Variants in CLDN16 observed in about 807,000 individuals in gnomAD.
The protein encoded by CLDN16 is claudin-16.
CLDN16 carries 13 observed loss-of-function variants against 24.6 expected under a neutral mutation model. That is an observed-to-expected ratio of 0.53 (90% CI 0.34 to 0.84). CLDN16 has a LOEUF of 0.84. CLDN16 is among the 40% of genes least tolerant of loss of function. The pLI, the probability that CLDN16 is intolerant of heterozygous loss-of-function variation, is 0.01. For missense variants in CLDN16, 298 were observed against 292.7 expected (o/e 1.02, Z -0.13); for synonymous variants, 116 against 106.7 (o/e 1.09, Z -0.54).
the CLDN16 span, among the ~76,000 whole-genome samples, chr3:190,316,876 C>T: frequency 9.2e-5 from 14 of 152,152 alleles, no homozygotes; most frequent in Non-Finnish European, 1.9e-4. Context: ...GCCTGGTATG[C>T]TAAAATCTTG....
At chr3:190,361,533 G>T (rs1285992359) in intron 1 of CLDN16, among the ~76,000 whole-genome samples, 1 of 151,944 alleles carries the variant, frequency 6.6e-6, no homozygotes, top group Non-Finnish European at 1.5e-5. Context: ...TAACAAATTA[G>T]CTACAAGATT....
the CLDN16 span, among the ~76,000 whole-genome samples, chr3:190,298,489 C>A: frequency 6.9e-6 from 1 of 144,626 alleles, no homozygotes; most frequent in South Asian, 2.3e-4. Context: ...GAGTTTTGCT[C>A]TTGTTGCCCA....
At chr3:190,360,538 A>G (rs1478865261) in intron 1 of CLDN16, among the ~76,000 whole-genome samples, 1 of 151,980 alleles carries the variant, frequency 6.6e-6, no homozygotes, top group Non-Finnish European at 1.5e-5. Flanking sequence ...TGTGATAAGA[A>G]CAAAATGTAG....
the CLDN16 span, chr3:190,308,496 T>C: frequency 1.3e-6 from 2 of 1,535,742 alleles, no homozygotes; most frequent in South Asian, 1.1e-5. Context: ...ACTTTTCTAA[T>C]ATAATAAAAG....
chr3:190,387,372 CT>C (rs968607847), upstream of CLDN16, among the ~76,000 whole-genome samples: 6 of 135,800 alleles, frequency 4.4e-5, no homozygotes, highest in Non-Finnish European at 7.9e-5. Flanking sequence ...GTTTTTTTTT[CT>C]TCATTAGACG....
intron 1 of CLDN16, among the ~76,000 whole-genome samples, chr3:190,322,977 A>G (rs1716972756): frequency 1.4e-5 from 2 of 146,216 alleles, no homozygotes; most frequent in South Asian, 2.2e-4. Flanking sequence ...ACAGATTGGG[A>G]AACAGACCCA....
chr3:190,310,038 A>T, the CLDN16 span: 2 of 752,888 alleles, frequency 2.7e-6, no homozygotes, highest in Non-Finnish European at 4.7e-6. Flanking sequence ...GAGATCATTT[A>T]AATTGTTTGT....
At chr3:190,398,590 A>G (rs368036460) in intron 1 of CLDN16, among the ~76,000 whole-genome samples, 11 of 152,300 alleles carry the variant, frequency 7.2e-5, no homozygotes, top group African/African-American at 2.2e-4. Flanking sequence ...TGGTGGTAAG[A>G]ATGTGGACAT....
chr3:190,308,351 G>C, the CLDN16 span: 1 of 1,613,832 alleles, frequency 6.2e-7, no homozygotes, highest in Non-Finnish European at 8.5e-7. Context: ...GTTGTTTTTC[G>C]GGGACAGGAA....
chr3:190,391,117 G>A (rs550416352), intron 1 of CLDN16, among the ~76,000 whole-genome samples: 75 of 150,860 alleles, frequency 5.0e-4, no homozygotes, highest in Admixed American at 1.4e-3. Flanking sequence ...AAAAGTCAAC[G>A]AAACAAGTGT....
At chr3:190,320,672 A>G (rs542691813), upstream of CLDN16, among the ~76,000 whole-genome samples, 1 of 152,312 alleles carries the variant, frequency 6.6e-6, no homozygotes, top group South Asian at 2.1e-4. Flanking sequence ...TTTGATATAC[A>G]CTATTAAAAG....
At chr3:190,409,279 T>TGTATATATGCACACACGTATATGC (rs1719205676) in intron 4 of CLDN16, among the ~76,000 whole-genome samples, 3 of 77,312 alleles carry the variant, frequency 3.9e-5, no homozygotes, top group Non-Finnish European at 6.1e-5. Context: ...CATGTATATG[T>TGTATATATGCACACACGTATATGC]ATGTATATAT....
At chr3:190,344,822 C>T (rs1717517373) in intron 1 of CLDN16, among the ~76,000 whole-genome samples, 1 of 152,020 alleles carries the variant, frequency 6.6e-6, no homozygotes, top group Non-Finnish European at 1.5e-5. Flanking sequence ...TCTTCTTGCT[C>T]ATGCTAGGAA....
intron 3 of CLDN16, among the ~76,000 whole-genome samples, chr3:190,377,806 A>C (rs1384857694): frequency 6.6e-6 from 1 of 151,954 alleles, no homozygotes; most frequent in African/African-American, 2.4e-5. Context: ...AAGTGTAAAG[A>C]AGGTTTGAGT....
At chr3:190,405,032 C>A in intron 3 of CLDN16, 106 bp downstream of exon 3, 1 of 1,134,716 alleles carries the variant, frequency 8.8e-7, no homozygotes, top group Non-Finnish European at 1.3e-6. Context: ...TTATATGTGG[C>A]TTCCCTTTCT....
Position 190,404,755 on chromosome 3 carries a change from C to A in CLDN16, c.218-7C>A, listed in dbSNP as rs770479359. ...CTCTGCTTTAACCATATGCCCTGGT[C>A]TTCCAGTGAAGCTGGTGGTAACTCG... is the stretch of plus-strand genomic sequence containing the variant. On this transcript the variant is annotated splice_region_variant and splice_polypyrimidine_tract_variant and intron_variant, in intron 2 of 4. Coordinates refer to ENST00000264734, the MANE Select transcript of CLDN16 (RefSeq NM_006580.4). The A allele has an allele frequency of 6.2e-7, 1 of 1,614,084 alleles. No individual in the cohort carries two copies. Among genetic ancestry groups the A allele is most frequent in the Non-Finnish European group, 8.5e-7 (1 of 1,179,934 alleles).
At chr3:190,404,532 C>T (rs1244648787) in intron 2 of CLDN16, among the ~76,000 whole-genome samples, 1 of 152,146 alleles carries the variant, frequency 6.6e-6, no homozygotes, top group African/African-American at 2.4e-5. Flanking sequence ...ATACCAACAA[C>T]AAAACTAAGT....
At position 190,410,087 on chromosome 3, in the gene CLDN16, T is replaced by C. The variant is rs372140161; in HGVS notation, c.*51T>C. 1.3e-6 allele frequency: 2 copies of C among 1,589,974 alleles called. No homozygotes were observed. Among genetic ancestry groups the C allele is most frequent in the African/African-American group, 2.7e-5 (2 of 74,450 alleles). On this transcript the variant is annotated 3_prime_UTR_variant, in exon 5 of 5. Coordinates refer to ENST00000264734, the MANE Select transcript of CLDN16 (RefSeq NM_006580.4). ...ATATGATTTAATCAATCAGTATGGT[T>C]ACATTGATAAAATAGTAAGTCAATC...
At chr3:190,407,388 A>G (rs1472118571) in intron 3 of CLDN16, among the ~76,000 whole-genome samples, 1 of 152,180 alleles carries the variant, frequency 6.6e-6, no homozygotes, top group African/African-American at 2.4e-5. Flanking sequence ...ATCAGTAAGC[A>G]TACATTTACA....
Sources: gnomAD v4.1 joint callset for allele counts (sites outside exome capture counted in the v4.1 genomes callset) on GRCh38, gnomAD v4.1.1 for gene constraint, MANE v1.5 for transcripts, NCBI Gene and HGNC (gene_info 2026-07-23, HGNC 2026-07-21) for gene names.